Variants in GALNT13 observed in about 807,000 individuals in gnomAD.
GALNT13 encodes the protein UDP-GalNAc:polypeptide N-acetylgalactosaminyltransferase 13.
Under a neutral mutation model 64.2 loss-of-function variants are expected in GALNT13, and 28 were observed. The ratio of observed to expected loss-of-function variants is 0.44; its 90% CI spans 0.32 to 0.60. The LOEUF (loss-of-function observed/expected upper bound fraction) is 0.60, where lower values mean the gene tolerates loss of function less well. GALNT13 is among the 20% of genes least tolerant of loss of function. The pLI is 0.05. For synonymous variants in GALNT13, 214 were observed against 224.6 expected, an observed-to-expected ratio of 0.95 and a Z score of 0.42; for missense variants, 577 against 669.8, an observed-to-expected ratio of 0.86 and a Z score of 1.53.
intron 4 of GALNT13, among the ~76,000 whole-genome samples, chr2:154,215,621 T>C (rs1688000838): frequency 6.6e-6 from 1 of 152,198 alleles, no homozygotes; most frequent in African/African-American, 2.4e-5. Flanking sequence ...AAAACCCTTC[T>C]TCGTATCCGG....
At chr2:154,417,513 A>ATTTTTTT (rs1387223429) in intron 11 of GALNT13, among the ~76,000 whole-genome samples, 17 of 130,364 alleles carry the variant, frequency 1.3e-4, no homozygotes, top group African/African-American at 3.0e-4. Flanking sequence ...TTATTTATTT[A>ATTTTTTT]TTTATTTATT....
the GALNT13 span, among the ~76,000 whole-genome samples, chr2:153,817,338 A>T: frequency 6.6e-6 from 1 of 152,204 alleles, no homozygotes; most frequent in East Asian, 1.9e-4. Context: ...ACTTTCTCAT[A>T]AAATTCAGTT....
At chr2:153,536,989 A>G in the GALNT13 span, among the ~76,000 whole-genome samples, 1 of 152,248 alleles carries the variant, frequency 6.6e-6, no homozygotes, top group Non-Finnish European at 1.5e-5. Context: ...ACTACATCTT[A>G]CTGGGAAATC....
the GALNT13 span, among the ~76,000 whole-genome samples, chr2:153,607,904 A>G: frequency 2.0e-5 from 3 of 152,284 alleles, no homozygotes. Flanking sequence ...CTAGCCACAC[A>G]TAGTTAGCTA....
chr2:153,854,087 G>A, the GALNT13 span, among the ~76,000 whole-genome samples: 17 of 151,594 alleles, frequency 1.1e-4, no homozygotes, highest in African/African-American at 3.6e-4. Flanking sequence ...AAATGTAAGC[G>A]TTGTAAAGAA....
the GALNT13 span, among the ~76,000 whole-genome samples, chr2:153,860,934 T>G: frequency 2.0e-5 from 3 of 152,196 alleles, no homozygotes; most frequent in African/African-American, 7.2e-5. Flanking sequence ...CAATGTTTAT[T>G]CTGATTCTAA....
the GALNT13 span, among the ~76,000 whole-genome samples, chr2:153,837,524 G>T: frequency 1.3e-5 from 2 of 151,900 alleles, no homozygotes; most frequent in South Asian, 2.1e-4. Flanking sequence ...TCTGTTTCTG[G>T]CTTATTCCAC....
the GALNT13 span, among the ~76,000 whole-genome samples, chr2:153,369,996 T>G: frequency 6.6e-6 from 1 of 152,176 alleles, no homozygotes; most frequent in Non-Finnish European, 1.5e-5. Context: ...TTTAAGCCCC[T>G]GTCTCTAATT....
chr2:154,324,204 G>A (rs899508672), intron 9 of GALNT13, among the ~76,000 whole-genome samples: 6 of 150,980 alleles, frequency 4.0e-5, no homozygotes, highest in African/African-American at 1.2e-4. Context: ...TTTGGTTTAT[G>A]CTCTTGAATT....
chr2:154,063,509 TCTC>T (rs1234572365), intron 3 of GALNT13, among the ~76,000 whole-genome samples: 1 of 152,154 alleles, frequency 6.6e-6, no homozygotes, highest in East Asian at 1.9e-4. Context: ...TTTTTCTTGG[TCTC>T]CTAGTTAAAT....
At chr2:153,103,725 T>C in the GALNT13 span, among the ~76,000 whole-genome samples, 1 of 152,224 alleles carries the variant, frequency 6.6e-6, no homozygotes, top group Non-Finnish European at 1.5e-5. Flanking sequence ...CTCTCTACAC[T>C]AAAATGTAAG....
chr2:153,849,627 G>C, the GALNT13 span, among the ~76,000 whole-genome samples: 1 of 152,214 alleles, frequency 6.6e-6, no homozygotes, highest in African/African-American at 2.4e-5. Context: ...GTGTCTCCCT[G>C]AGTTGAGGGG....
chr2:154,234,956 G>A (rs1043307968), intron 4 of GALNT13, among the ~76,000 whole-genome samples: 1 of 152,120 alleles, frequency 6.6e-6, no homozygotes, highest in South Asian at 2.1e-4. Flanking sequence ...AAGGTACAAG[G>A]CCAGGGAAGG....
chr2:154,174,141 GT>G (rs1336910617), intron 4 of GALNT13, among the ~76,000 whole-genome samples: 1 of 152,068 alleles, frequency 6.6e-6, no homozygotes, highest in Admixed American at 6.6e-5. Flanking sequence ...TTGATTTGTT[GT>G]TTGCAAAGAT....
intron 3 of GALNT13, among the ~76,000 whole-genome samples, chr2:154,099,019 C>T (rs1702214669): frequency 6.6e-6 from 1 of 152,010 alleles, no homozygotes; most frequent in African/African-American, 2.4e-5. Flanking sequence ...AGAGGTTATG[C>T]CAATTTACAT....
the GALNT13 span, among the ~76,000 whole-genome samples, chr2:153,240,158 G>A: frequency 1.3e-5 from 2 of 152,030 alleles, no homozygotes; most frequent in Non-Finnish European, 2.9e-5. Context: ...TGTTTTGTGA[G>A]TTGTAATGTT....
the GALNT13 span, among the ~76,000 whole-genome samples, chr2:153,574,108 G>C: frequency 1.4e-5 from 2 of 147,384 alleles, no homozygotes; most frequent in Non-Finnish European, 3.0e-5. Flanking sequence ...ATCTTTGCTA[G>C]ATATAATATT....
intron 3 of GALNT13, among the ~76,000 whole-genome samples, chr2:153,950,265 A>G (rs1178162114): frequency 6.6e-6 from 1 of 151,942 alleles, no homozygotes; most frequent in Non-Finnish European, 1.5e-5. Context: ...TAATTAATAA[A>G]AAAGCCCAAA....
At chr2:153,092,489 AT>A in the GALNT13 span, among the ~76,000 whole-genome samples, 1 of 152,080 alleles carries the variant, frequency 6.6e-6, no homozygotes, top group East Asian at 1.9e-4. Context: ...ATATTTTTCT[AT>A]TTTTTGGTGT....
Sources: gnomAD v4.1 joint callset for allele counts (sites outside exome capture counted in the v4.1 genomes callset) on GRCh38, gnomAD v4.1.1 for gene constraint, MANE v1.5 for transcripts, NCBI Gene and HGNC (gene_info 2026-07-23, HGNC 2026-07-21) for gene names.